SCYL1: variants seen among roughly 807,000 people sequenced by gnomAD.
SCYL1 encodes the protein SCY1 like pseudokinase 1.
Under a neutral mutation model 94.8 loss-of-function variants are expected in SCYL1, and 85 were observed. The ratio of observed to expected loss-of-function variants is 0.90; its 90% CI spans 0.75 to 1.07. SCYL1 has a LOEUF of 1.07. Among genes scored for constraint, SCYL1 ranks in the 50% least tolerant of loss-of-function variants. The pLI is 0.00. For synonymous variants in SCYL1, 459 were observed against 435.5 expected (o/e 1.05, Z -0.67); for missense variants, 968 against 1,083.3 (o/e 0.89, Z 1.49).
In SCYL1 at chr11:65,535,297, G is replaced by T. The variant is rs771227874; in HGVS notation, c.1301G>T (p.Arg434Leu). The T allele has an allele frequency of 6.2e-7, 1 of 1,614,222 alleles. No homozygotes were observed. Among genetic ancestry groups the T allele is most frequent in the Non-Finnish European group, 8.5e-7 (1 of 1,180,030 alleles). Reference sequence around the variant, plus strand: ...GTGGAGCTGATGAAGCACTTTGCACGGCTACAGGCCAAGGATGAACAGGGC... The same window carrying T: ...GTGGAGCTGATGAAGCACTTTGCACTGCTACAGGCCAAGGATGAACAGGGC... ...LNVELMKHFA[R>L]LQAKDEQGPI... Residue 434 changes from arginine (R) to leucine (L), a missense_variant, in exon 10 of 18, where the codon CGG becomes CTG. Physicochemically the swap from Arg to Leu is moderately radical, Grantham distance 102. This residue lies in a region of SCYL1 where 494 missense variants were observed against 619.7 expected (regional missense o/e 0.80). Transcript: ENST00000270176.
Position 65,526,953 on chromosome 11 carries a change from C to G in SCYL1, c.694-9C>G, listed in dbSNP as rs1307332848. 1 of 1,611,104 alleles carries G rather than the reference C, an allele frequency of 6.2e-7. No individual in the cohort carries two copies. The highest frequency in any genetic ancestry group is 8.5e-7 in the Non-Finnish European group (1 of 1,177,998). On this transcript the variant is annotated splice_polypyrimidine_tract_variant and intron_variant, in intron 5 of 17. Coordinates refer to ENST00000270176, the MANE Select transcript of SCYL1 (RefSeq NM_020680.4). The surrounding 1 kb of genome is among the most constrained non-coding windows in gnomAD (Gnocchi z 4.1). ...TACCCCTGCCCTGACACTGACCCCT[C>G]CCCTACAGATCCCCAAAACGCTGGT...
chr11:65,533,896 C>G (rs1261748274), intron 9 of SCYL1, among the ~76,000 whole-genome samples: 2 of 152,036 alleles, frequency 1.3e-5, no homozygotes, highest in South Asian at 2.1e-4. Flanking sequence ...ACCAGCCTGG[C>G]CAACATGGTA....
chr11:65,535,480 C>T (rs1173102482), intron 10 of SCYL1, 98 bp downstream of exon 10: 1 of 1,476,656 alleles, frequency 6.8e-7, no homozygotes, highest in Non-Finnish European at 9.3e-7. Context: ...TTCATTCTCC[C>T]AGAGACTTAG....
intron 10 of SCYL1, 125 bp downstream of exon 10, chr11:65,535,507 G>A: frequency 8.0e-7 from 1 of 1,257,312 alleles, no homozygotes; most frequent in South Asian, 1.4e-5. Context: ...CACGCTGTTG[G>A]CCCCATATCT....
At position 65,525,932 on chromosome 11, in the gene SCYL1, C is replaced by T; in HGVS notation, c.264C>T (p.Cys88=). The T allele has an allele frequency of 1.2e-6, 2 of 1,613,358 alleles. No individual in the cohort carries two copies. Among genetic ancestry groups the T allele is most frequent in the Non-Finnish European group, 1.7e-6 (2 of 1,179,758 alleles). Residue 88 remains cysteine (C), a synonymous_variant, in exon 3 of 18, where the codon TGC becomes TGT. Transcript: ENST00000270176. ...GTCCCCTTCCCCAGACAGAAAAATG[C>T]CTCCACGTCGTGACAGAGGCTGTGA... The part of the protein sequence containing the change: ...AYIDGLETEK[C]LHVVTEAVTP...
Position 65,538,602 on chromosome 11 carries a change from C to T in SCYL1, c.*36C>T, listed in dbSNP as rs199643862. 4.8e-4 allele frequency: 770 copies of T among 1,596,400 alleles called. 12 individuals are homozygous for T. The East Asian group carries it at 0.017, about 35-fold the overall frequency. On this transcript the variant is annotated 3_prime_UTR_variant, in exon 18 of 18. Transcript: ENST00000270176. ...TGGCCCTTCCCGGCTGCGGAGAGCC[C>T]GCCCCACAGATGTATTTATTGTACA...
chr11:65,536,880 C>A, intron 13 of SCYL1, 106 bp from the exon 14 acceptor site: 1 of 1,306,992 alleles, frequency 7.7e-7, no homozygotes, highest in South Asian at 1.3e-5. Context: ...TCCAGTCACC[C>A]TGTGGGCTTC....
chr11:65,530,828 C>T (rs1411671893), intron 7 of SCYL1, 41 bp downstream of exon 7: 2 of 1,570,288 alleles, frequency 1.3e-6, no homozygotes, highest in Admixed American at 3.6e-5. Context: ...GCTGGGTGCA[C>T]AGGAACTGCC....
chr11:65,536,319 C>G lies in SCYL1; in HGVS notation c.1636C>G (p.Gln546Glu). 4.3e-6 allele frequency: 7 copies of G among 1,614,132 alleles called. No homozygotes were observed. The highest frequency in any genetic ancestry group is 5.9e-6 in the Non-Finnish European group (7 of 1,179,970). ...GGAGTCTGTGTCGGAGGACCCGACC[C>G]AGCTGGAGGAAGTGGGTGAGTGGCT... Reference protein sequence around the residue: ...KLESVSEDPTQLEEVEKDVHA... With the variant: ...KLESVSEDPTELEEVEKDVHA... The change falls in exon 12 of 18, where the codon CAG becomes GAG. Residue 546 changes from glutamine to glutamate, a missense_variant. By Grantham distance (29) the Gln-to-Glu change is conservative (BLOSUM62 2). Around this residue, in one of 2 missense-constraint regions of SCYL1, gnomAD observed 474 missense variants for 463.6 expected, o/e 1.02. Transcript: ENST00000270176.
chr11:65,531,679 A>C lies in SCYL1; in HGVS notation c.1112A>C (p.Gln371Pro). 1 of 1,611,108 alleles carries C rather than the reference A, an allele frequency of 6.2e-7. No homozygotes were observed. Residue 371 changes from glutamine to proline, a missense_variant, in exon 8 of 18, where the codon CAG becomes CCG. Transcript: ENST00000270176. Reference sequence around the variant, plus strand: ...CGGGCCATGCGCATCCGCCTCCTGCAGCAGGTGAGGCCTCTGTACCAGACT... The same window carrying C: ...CGGGCCATGCGCATCCGCCTCCTGCCGCAGGTGAGGCCTCTGTACCAGACT... ...TDRAMRIRLL[Q>P]QMEQFIQYLD...
intron 10 of SCYL1, 191 bp downstream of exon 10, chr11:65,535,573 G>A: frequency 1.4e-6 from 1 of 738,098 alleles, no homozygotes; most frequent in East Asian, 2.7e-5. Flanking sequence ...AGGGATCTGG[G>A]ATCTGAATCC....
At position 65,525,135 on chromosome 11, in the gene SCYL1, C is replaced by G. The variant is rs999439414; in HGVS notation, c.-19C>G. ...GACCCGGAGCTAAGGCGCCCGAACC[C>G]GCGGCGGCGGTGGGGACGATGTGGT... On this transcript the variant is annotated 5_prime_UTR_variant, in exon 1 of 18. Transcript: ENST00000270176. The G allele has an allele frequency of 3.8e-6, 5 of 1,312,596 alleles. No homozygotes were observed. In the East Asian group the frequency reaches 1.3e-4, roughly 33 times the overall value. 81.3% of individuals were successfully genotyped at this position (1,312,596 alleles called of 1,614,324 possible). A position where few individuals can be genotyped will look rare whatever the true frequency, so the allele number is the denominator to read the frequency against.
Position 65,530,744 on chromosome 11 carries a change from A to C in SCYL1, c.965A>C (p.Glu322Ala). The C allele has an allele frequency of 6.2e-7, 1 of 1,613,956 alleles. No homozygotes were observed. Among genetic ancestry groups the C allele is most frequent in the Non-Finnish European group, 8.5e-7 (1 of 1,180,006 alleles). Residue 322 changes from glutamate (E) to alanine (A), a missense_variant, in exon 7 of 18, where the codon GAG becomes GCG. This residue lies in a region of SCYL1 where 494 missense variants were observed against 619.7 expected (regional missense o/e 0.80). Coordinates refer to ENST00000270176, the MANE Select transcript of SCYL1 (RefSeq NM_020680.4). ...CTGCCCCAGCTGCTGACCGCCTTCG[A>C]GTTCGGCAATGCTGGGGCCGTTGTC... ...KVLPQLLTAFEFGNAGAVVLT... is the reference protein window; with the variant it reads ...KVLPQLLTAFAFGNAGAVVLT...
Position 65,536,674 on chromosome 11 carries a change from C to A in SCYL1, c.1740C>A (p.Leu580=), listed in dbSNP as rs368948887. The A allele has an allele frequency of 8.0e-5, 129 of 1,613,928 alleles. No homozygotes were observed. The highest frequency in any genetic ancestry group is 1.0e-4 in the Non-Finnish European group (120 of 1,179,922). ...AGWAVTGVSS[L]TSKLIRSHPT... is the part of the protein sequence containing the mutation. ...GGGCCGTGACCGGGGTCTCCTCACT[C>A]ACCTCCAAGCTGATCCGTTCGCACC... The change falls in exon 13 of 18, where the codon CTC becomes CTA. Residue 580 remains leucine (L), a synonymous_variant. Coordinates refer to ENST00000270176, the MANE Select transcript of SCYL1 (RefSeq NM_020680.4).
At position 65,526,631 on chromosome 11, in the gene SCYL1, T is replaced by C. The variant is rs1855097370; in HGVS notation, c.603-152T>C. ...GGCTTGGTTTTTTTAATCTGTTAAGTGAGGCTAATGAAACCTGCCTCTTGG... is the reference window on the plus strand; with the variant it reads ...GGCTTGGTTTTTTTAATCTGTTAAGCGAGGCTAATGAAACCTGCCTCTTGG... On this transcript the variant is annotated intron_variant, in intron 4 of 17. Transcript: ENST00000270176. The surrounding 1 kb of genome is among the most constrained non-coding windows in gnomAD (Gnocchi z 4.1). 4.2e-6 allele frequency: 3 copies of C among 715,060 alleles called. No homozygotes were observed. Among genetic ancestry groups the C allele is most frequent in the Admixed American group, 2.8e-5 (1 of 35,340 alleles). 44.3% of individuals were successfully genotyped at this position (715,060 alleles called of 1,614,324 possible). A position where few individuals can be genotyped will look rare whatever the true frequency, so the allele number is the denominator to read the frequency against.
At chr11:65,536,878 C>A in intron 13 of SCYL1, 108 bp from the exon 14 acceptor site, 1 of 1,315,804 alleles carries the variant, frequency 7.6e-7, no homozygotes, top group Non-Finnish European at 1.1e-6. Context: ...GCTCCAGTCA[C>A]CCTGTGGGCT....
intron 7 of SCYL1, among the ~76,000 whole-genome samples, 183 bp from the exon 8 acceptor site, chr11:65,531,393 C>A (rs542726051): frequency 6.6e-6 from 1 of 152,088 alleles, no homozygotes; most frequent in Admixed American, 6.6e-5. Flanking sequence ...AGGCCTTGGC[C>A]CAGAAAGGTT....
At chr11:65,537,535 G>C (rs535318599) in intron 14 of SCYL1, among the ~76,000 whole-genome samples, 1 of 152,244 alleles carries the variant, frequency 6.6e-6, no homozygotes, top group African/African-American at 2.4e-5. Context: ...ATGGGGCAGA[G>C]CTGGGGGCCC....
At position 65,533,445 on chromosome 11, in the gene SCYL1, T is replaced by G. The variant is rs1318275241; in HGVS notation, c.1230+640T>G. Among the ~76,000 whole-genome samples the G allele has an allele frequency of 3.9e-5, 6 of 152,050 alleles. No individual in the cohort carries two copies. The South Asian group carries it at 1.2e-3, about 32-fold the overall frequency. On this transcript the variant is annotated intron_variant, in intron 9 of 17. Coordinates refer to ENST00000270176, the MANE Select transcript of SCYL1 (RefSeq NM_020680.4). ...TTCAAAAAAAGAAAGAAAATATGCA[T>G]TGTTGGAAAGTGTGGGGAGAAGAGT... is the stretch of plus-strand genomic sequence containing the variant.
Sources: gnomAD v4.1 joint callset for allele counts (sites outside exome capture counted in the v4.1 genomes callset) on GRCh38, gnomAD v4.1.1 for gene constraint, gnomAD v4.1.1 regional missense constraint, Gnocchi (gnomAD v3.1) non-coding constraint, MANE v1.5 for transcripts, NCBI Gene and HGNC (gene_info 2026-07-23, HGNC 2026-07-21) for gene names.